CDH18: variants seen among roughly 807,000 people sequenced by gnomAD.
CDH18 encodes the protein cadherin 18.
Under a neutral mutation model 67.9 loss-of-function variants are expected in CDH18, and 31 were observed. The observed-to-expected ratio is 0.46, with a 90% CI of 0.34 to 0.62. CDH18 has a LOEUF of 0.62. CDH18 is among the 20% of genes least tolerant of loss of function. CDH18 has a pLI of 0.01. For synonymous variants in CDH18, 362 were observed against 347.2 expected (o/e 1.04, Z -0.48); for missense variants, 890 against 975.5 (o/e 0.91, Z 1.17).
rs143704154 is a variant in CDH18, at chr5:19,692,062, C to G, written c.643+29285G>C. On this transcript the variant is annotated intron_variant, in intron 5 of 12. Transcript: ENST00000382275. ...AGACCAATGGAACAGAATAGAGAAC[C>G]CAGAAATAAAACCACTTATTTACAG... Among the ~76,000 whole-genome samples the G allele has an allele frequency of 9.9e-5, 15 of 151,904 alleles. No individual in the cohort carries two copies. The East Asian group carries it at 2.7e-3, about 27-fold the overall frequency.
chr5:19,944,869 G>C (rs988365651), intron 2 of CDH18, among the ~76,000 whole-genome samples: 1 of 152,064 alleles, frequency 6.6e-6, no homozygotes, highest in South Asian at 2.1e-4. Flanking sequence ...TTCAAGAAAC[G>C]GGATTGCAGT....
chr5:19,670,863 T>C (rs947297432), intron 5 of CDH18, among the ~76,000 whole-genome samples: 1 of 152,078 alleles, frequency 6.6e-6, no homozygotes. Context: ...TTTTTGATGA[T>C]GCTAGACTAA....
chr5:19,734,811 T>C (rs1479403895), intron 4 of CDH18, among the ~76,000 whole-genome samples: 1 of 152,218 alleles, frequency 6.6e-6, no homozygotes, highest in African/African-American at 2.4e-5. Flanking sequence ...TGGTTTCTTT[T>C]TGAAATATTT....
chr5:20,267,358 A>G (rs2126652173), intron 1 of CDH18, among the ~76,000 whole-genome samples: 1 of 152,310 alleles, frequency 6.6e-6, no homozygotes, highest in South Asian at 2.1e-4. Context: ...ATCTGAAGTC[A>G]GGCAATGTGA....
At chr5:20,106,714 AG>A (rs1229913335) in intron 2 of CDH18, among the ~76,000 whole-genome samples, 1 of 152,208 alleles carries the variant, frequency 6.6e-6, no homozygotes, top group African/African-American at 2.4e-5. Flanking sequence ...CTCAAAATAA[AG>A]CTTCACCGCC....
At chr5:20,398,478 A>T (rs1244244616) in intron 1 of CDH18, among the ~76,000 whole-genome samples, 1 of 152,164 alleles carries the variant, frequency 6.6e-6, no homozygotes, top group Non-Finnish European at 1.5e-5. Flanking sequence ...AGAGAACATA[A>T]CCAAGGGCTT....
At chr5:20,166,929 G>C (rs562877901) in intron 2 of CDH18, among the ~76,000 whole-genome samples, 1 of 152,056 alleles carries the variant, frequency 6.6e-6, no homozygotes, top group African/African-American at 2.4e-5. Context: ...TAATTTTAAC[G>C]CTTCTTAATC....
At chr5:20,274,883 C>T (rs1745690943) in intron 1 of CDH18, among the ~76,000 whole-genome samples, 2 of 151,974 alleles carry the variant, frequency 1.3e-5, no homozygotes, top group Non-Finnish European at 2.9e-5. Flanking sequence ...TACTACTTTG[C>T]ATTGTGATGG....
chr5:20,235,466 G>T (rs974758312), intron 2 of CDH18, among the ~76,000 whole-genome samples: 1 of 151,994 alleles, frequency 6.6e-6, no homozygotes, highest in African/African-American at 2.4e-5. Context: ...GTGGGCCAAG[G>T]TCATGACAAA....
intron 2 of CDH18, among the ~76,000 whole-genome samples, chr5:20,064,705 G>A (rs977218420): frequency 3.3e-5 from 5 of 151,852 alleles, no homozygotes; most frequent in Non-Finnish European, 2.9e-5. Context: ...GCCGATTCTC[G>A]GTTTTCAACA....
chr5:20,076,841 A>G (rs1328408565), intron 2 of CDH18, among the ~76,000 whole-genome samples: 1 of 152,196 alleles, frequency 6.6e-6, no homozygotes, highest in Non-Finnish European at 1.5e-5. Flanking sequence ...TTATTTCATA[A>G]TTGTCACTTT....
At chr5:20,297,315 G>A (rs961616606) in intron 1 of CDH18, among the ~76,000 whole-genome samples, 1 of 152,204 alleles carries the variant, frequency 6.6e-6, no homozygotes, top group Non-Finnish European at 1.5e-5. Context: ...CTTAAGAAAA[G>A]GAAATTGACA....
chr5:19,727,166 G>T (rs975465520), intron 4 of CDH18, among the ~76,000 whole-genome samples: 1 of 152,084 alleles, frequency 6.6e-6, no homozygotes, highest in Non-Finnish European at 1.5e-5. Context: ...ACTAATCAAG[G>T]TATATGTTAT....
At chr5:20,387,454 A>C (rs1326461598) in intron 1 of CDH18, among the ~76,000 whole-genome samples, 1 of 152,174 alleles carries the variant, frequency 6.6e-6, no homozygotes, top group African/African-American at 2.4e-5. Context: ...CTATCAGCTT[A>C]AGGAGATTTT....
chr5:20,320,644 C>G (rs1457795291), intron 1 of CDH18, among the ~76,000 whole-genome samples: 1 of 152,194 alleles, frequency 6.6e-6, no homozygotes, highest in African/African-American at 2.4e-5. Context: ...GAGATTCCTC[C>G]ATTTCTCCAG....
chr5:20,453,087 G>T (rs1256336911), intron 1 of CDH18, among the ~76,000 whole-genome samples: 1 of 152,062 alleles, frequency 6.6e-6, no homozygotes, highest in Non-Finnish European at 1.5e-5. Flanking sequence ...TTGCCTTATG[G>T]CAAGTCTGTG....
intron 2 of CDH18, among the ~76,000 whole-genome samples, chr5:20,200,055 A>G (rs1407877365): frequency 6.6e-6 from 1 of 152,188 alleles, no homozygotes; most frequent in African/African-American, 2.4e-5. Flanking sequence ...AGGAAGGATT[A>G]ATACAAGATC....
chr5:20,012,660 C>T (rs2150417812), intron 2 of CDH18, among the ~76,000 whole-genome samples: 1 of 151,978 alleles, frequency 6.6e-6, no homozygotes, highest in East Asian at 1.9e-4. Flanking sequence ...ATGATCATGC[C>T]CATAAGTGAT....
chr5:20,405,025 T>C (rs2150134625), intron 1 of CDH18, among the ~76,000 whole-genome samples: 1 of 152,146 alleles, frequency 6.6e-6, no homozygotes, highest in Middle Eastern at 3.4e-3. Flanking sequence ...TTATGTTAAT[T>C]TATTAAGTTC....
Sources: allele counts gnomAD v4.1 joint callset (sites outside exome capture counted in the v4.1 genomes callset), GRCh38; gene constraint gnomAD v4.1.1; transcripts MANE v1.5; gene names NCBI Gene and HGNC (gene_info 2026-07-23, HGNC 2026-07-21).